PPP6R2: variants seen among roughly 807,000 people sequenced by gnomAD.
PPP6R2 encodes the protein serine/threonine-protein phosphatase 6 regulatory subunit 2.
A neutral mutation model predicts 100.2 loss-of-function variants in PPP6R2; 62 were observed. The ratio of observed to expected loss-of-function variants is 0.62; its 90% confidence interval spans 0.50 to 0.76. The LOEUF (loss-of-function observed/expected upper bound fraction) is 0.76, where lower values mean the gene tolerates loss of function less well. Ranked by LOEUF, PPP6R2 falls within the 30% of genes least tolerant of loss-of-function variation. The pLI is 0.00. For synonymous variants in PPP6R2, 525 were observed against 514.7 expected, an observed-to-expected ratio of 1.02 and a Z score of -0.27; for missense variants, 1,142 against 1,276.3, an observed-to-expected ratio of 0.89 and a Z score of 1.60.
chr22:50,356,605 A>G (rs1363460486), intron 1 of PPP6R2, among the ~76,000 whole-genome samples: 3 of 152,150 alleles, frequency 2.0e-5, no homozygotes, highest in Non-Finnish European at 4.4e-5. Context: ...GTGCTGGGTT[A>G]TAACATAGAT....
intron 22 of PPP6R2, among the ~76,000 whole-genome samples, chr22:50,441,943 C>A (rs1039582022): frequency 6.6e-6 from 1 of 152,112 alleles, no homozygotes; most frequent in African/African-American, 2.4e-5. Context: ...CACCCAGCAA[C>A]GGCACAGCTG....
In PPP6R2 at chr22:50,438,599, G is replaced by GT; in HGVS notation, c.1968dup (p.Gly657TrpfsTer51). The GT allele has an allele frequency of 6.2e-7, 1 of 1,613,814 alleles. No homozygotes were observed. The highest frequency in any genetic ancestry group is 8.5e-7 in the Non-Finnish European group (1 of 1,179,908). On this transcript the variant is annotated frameshift_variant and splice_region_variant, in exon 19 of 24. Transcript: ENST00000612753. LOFTEE classifies it high-confidence loss of function. ...ACATCTGACTCTGAATCTCCCCCAG[G>GT]TTTGGAGCCCCCCATGCTTCAGAGA...
At chr22:50,424,672 T>C (rs1457871006) in intron 10 of PPP6R2, among the ~76,000 whole-genome samples, 1 of 133,962 alleles carries the variant, frequency 7.5e-6, no homozygotes, top group Non-Finnish European at 1.5e-5. Flanking sequence ...GGAGTCTCTC[T>C]CTGTCGCCAG....
At chr22:50,347,332 C>T (rs1224090175) in intron 1 of PPP6R2, among the ~76,000 whole-genome samples, 1 of 152,038 alleles carries the variant, frequency 6.6e-6, no homozygotes, top group East Asian at 1.9e-4. Flanking sequence ...CTGTCATCAC[C>T]CCTCTTGTCC....
At chr22:50,388,140 T>C (rs1439107236) in intron 2 of PPP6R2, among the ~76,000 whole-genome samples, 2 of 150,752 alleles carry the variant, frequency 1.3e-5, no homozygotes, top group Non-Finnish European at 3.0e-5. Flanking sequence ...CTGGGCAACA[T>C]GGCAAGATGT....
chr22:50,412,937 G>C (rs60323696), intron 4 of PPP6R2, among the ~76,000 whole-genome samples: 1 of 144,650 alleles, frequency 6.9e-6, no homozygotes, highest in East Asian at 2.1e-4. Flanking sequence ...GAGCCACTGC[G>C]CCTGGCCTAG....
chr22:50,410,469 CTTTT>C (rs200178930), intron 4 of PPP6R2, among the ~76,000 whole-genome samples: 9 of 103,378 alleles, frequency 8.7e-5, no homozygotes, highest in African/African-American at 3.4e-4. Flanking sequence ...TGAGTGGTGT[CTTTT>C]TTTTTTTTTT....
intron 1 of PPP6R2, among the ~76,000 whole-genome samples, chr22:50,358,621 C>G (rs1336796776): frequency 6.6e-6 from 1 of 152,068 alleles, no homozygotes; most frequent in Admixed American, 6.6e-5. Context: ...TTCATTGTCC[C>G]CAGAATTTCC....
At position 50,442,153 on chromosome 22, in the gene PPP6R2, C is replaced by T. The variant is rs537183580; in HGVS notation, c.2579+1127C>T. On this transcript the variant is annotated intron_variant, in intron 22 of 23. Transcript: ENST00000612753. ...AGCCTCACCGCCCAATGCAGCTCAGCCTGCATGCGTCCCACCTGTACTACC... is the reference window on the plus strand; with the variant it reads ...AGCCTCACCGCCCAATGCAGCTCAGTCTGCATGCGTCCCACCTGTACTACC... 2.0e-4 allele frequency among the ~76,000 whole-genome samples: 31 copies of T among 152,332 alleles called. No homozygotes were observed. The East Asian group carries it at 6.0e-3, about 29-fold the overall frequency.
chr22:50,408,454 G>A (rs1265283548), intron 4 of PPP6R2, among the ~76,000 whole-genome samples: 1 of 152,154 alleles, frequency 6.6e-6, no homozygotes, highest in Non-Finnish European at 1.5e-5. Flanking sequence ...GGCCGCCAGG[G>A]GACTGCCTCA....
At chr22:50,338,948 G>A (rs1253169092), upstream of PPP6R2, among the ~76,000 whole-genome samples, 1 of 120,404 alleles carries the variant, frequency 8.3e-6, no homozygotes, top group Non-Finnish European at 1.7e-5. Context: ...GGGTGTGTAG[G>A]GTGTGGTGGG....
In PPP6R2 at chr22:50,414,331, GCCCCCCCCCC is replaced by G. The variant is rs57634612; in HGVS notation, c.415-211_415-202del. Among the ~76,000 whole-genome samples the G allele has an allele frequency of 6.1e-3, 163 of 26,800 alleles. 22 individuals carry two copies. Among genetic ancestry groups the G allele is most frequent in the Non-Finnish European group, 0.014 (128 of 9,026 alleles). 17.6% of individuals were successfully genotyped at this position (26,800 alleles called of 152,430 possible). A position where few individuals can be genotyped will look rare whatever the true frequency, so the allele number is the denominator to read the frequency against. On this transcript the variant is annotated intron_variant, in intron 4 of 23. Coordinates refer to ENST00000612753, the MANE Select transcript of PPP6R2 (RefSeq NM_001242898.2). ...GAGCCACAGGGGTCCCTGTGCAGTG[GCCCCCCCCCC>G]CCCCCCCCCGCCCAGACCCTCACAT...
intron 4 of PPP6R2, among the ~76,000 whole-genome samples, chr22:50,412,386 T>C (rs1014018627): frequency 2.6e-5 from 4 of 151,684 alleles, no homozygotes; most frequent in Non-Finnish European, 2.9e-5. Flanking sequence ...GAGACCATGT[T>C]GGCCAGGCTG....
At chr22:50,338,224 TTGG>T in the PPP6R2 span, among the ~76,000 whole-genome samples, 21 of 134,336 alleles carry the variant, frequency 1.6e-4, no homozygotes, top group South Asian at 1.2e-3. Flanking sequence ...GTGTGGTGTG[TTGG>T]TGTGTGTGTG....
upstream of PPP6R2, among the ~76,000 whole-genome samples, chr22:50,338,842 G>A (rs1177142254): frequency 7.4e-6 from 1 of 134,262 alleles, no homozygotes; most frequent in African/African-American, 2.8e-5. Context: ...TGGTGTGTGT[G>A]TGGTGTGTGG....
intron 1 of PPP6R2, among the ~76,000 whole-genome samples, chr22:50,360,694 C>T (rs1041966626): frequency 3.9e-5 from 6 of 152,184 alleles, no homozygotes; most frequent in South Asian, 4.2e-4. Context: ...CCCTGTTTAC[C>T]GAGGAGCCAC....
At chr22:50,334,580 T>G in the PPP6R2 span, among the ~76,000 whole-genome samples, 1 of 152,340 alleles carries the variant, frequency 6.6e-6, no homozygotes, top group South Asian at 2.1e-4. Context: ...TCTCTTGCCT[T>G]GGCACCTGGG....
chr22:50,418,973 T>C lies in PPP6R2; in HGVS notation c.725T>C (p.Leu242Pro). ...GAGCCAGACCCGCTCCTCACAGCGC[T>C]GGAGTCGTGAGTGCTGGTGGGCCGT... Reference protein sequence around the residue: ...ALEPDPLLTALESQDCVEQLL... With the variant: ...ALEPDPLLTAPESQDCVEQLL... The change falls in exon 7 of 24, where the codon CTG becomes CCG. Residue 242 changes from leucine to proline, a missense_variant. By Grantham distance (98) the Leu-to-Pro change is moderately conservative. Around this residue, in one of 2 missense-constraint regions of PPP6R2, gnomAD observed 592 missense variants for 758.9 expected, o/e 0.78. Coordinates refer to ENST00000612753, the MANE Select transcript of PPP6R2 (RefSeq NM_001242898.2). The C allele has an allele frequency of 6.2e-7, 1 of 1,612,466 alleles. No homozygotes were observed. The highest frequency in any genetic ancestry group is 8.5e-7 in the Non-Finnish European group (1 of 1,178,632).
intron 23 of PPP6R2, 41 bp downstream of exon 23, chr22:50,444,158 C>G: frequency 6.2e-7 from 1 of 1,611,996 alleles, no homozygotes; most frequent in South Asian, 1.1e-5. Context: ...GTGGACAGGG[C>G]CCGCAGCCCG....
Sources: gnomAD v4.1 joint callset for allele counts (sites outside exome capture counted in the v4.1 genomes callset) on GRCh38, gnomAD v4.1.1 for gene constraint, gnomAD v4.1.1 regional missense constraint, MANE v1.5 for transcripts, NCBI Gene and HGNC (gene_info 2026-07-23, HGNC 2026-07-21) for gene names.